The following SNTG2 variants were observed in gnomAD, a reference collection of about 807,000 sequenced individuals.
SNTG2 encodes the protein syntrophin gamma 2.
Under a neutral mutation model 70.9 loss-of-function variants are expected in SNTG2, and 74 were observed. The ratio of observed to expected loss-of-function variants is 1.04; its 90% CI spans 0.86 to 1.27. The LOEUF is 1.27. Ranked by LOEUF, SNTG2 falls within the 50% of genes most tolerant of loss-of-function variation. The pLI is 0.00. For synonymous variants in SNTG2, 278 were observed against 273.8 expected, an observed-to-expected ratio of 1.02 and a Z score of -0.15; for missense variants, 717 against 690.7, an observed-to-expected ratio of 1.04 and a Z score of -0.43.
At chr2:1,041,961 A>C (rs528201678) in intron 1 of SNTG2, among the ~76,000 whole-genome samples, 1 of 152,262 alleles carries the variant, frequency 6.6e-6, no homozygotes, top group African/African-American at 2.4e-5. Flanking sequence ...CCAGAGTTCC[A>C]ATTATTATGA....
rs1055740171 is a variant in SNTG2, at chr2:1,267,581, C to A, written c.1284+10C>A. 1.2e-6 allele frequency: 2 copies of A among 1,611,290 alleles called. No individual in the cohort carries two copies. Among genetic ancestry groups the A allele is most frequent in the African/African-American group, 1.3e-5 (1 of 74,844 alleles). The stretch of plus-strand genomic sequence containing the variant: ...AGTTCAGAGAACCGGGGTAAGTGAA[C>A]AACTCACACTCTTCTCACCTACACC... On this transcript the variant is annotated intron_variant, in intron 14 of 16. Coordinates refer to ENST00000308624, the MANE Select transcript of SNTG2 (RefSeq NM_018968.4).
chr2:993,350 G>A (rs937072807), intron 1 of SNTG2, among the ~76,000 whole-genome samples: 10 of 151,156 alleles, frequency 6.6e-5, no homozygotes, highest in Non-Finnish European at 1.3e-4. Flanking sequence ...GTATTAGACC[G>A]TTTTCTTGTT....
intron 10 of SNTG2, 50 bp from the exon 11 acceptor site, chr2:1,239,688 A>T: frequency 1.9e-6 from 3 of 1,604,684 alleles, no homozygotes; most frequent in Non-Finnish European, 2.6e-6. Flanking sequence ...CAGGTGAGCC[A>T]TCCTGGTGTT....
rs921055726 is a variant in SNTG2 at position 976,029 on chromosome 2, T to C, written c.72+24961T>C. 3.3e-4 allele frequency among the ~76,000 whole-genome samples: 50 copies of C among 152,182 alleles called. 1 individual carries two copies. The highest frequency in any genetic ancestry group is 2.9e-3 in the Admixed American group (45 of 15,284). On this transcript the variant is annotated intron_variant, in intron 1 of 16. Coordinates refer to ENST00000308624, the MANE Select transcript of SNTG2 (RefSeq NM_018968.4). ...AATTATGGCGCATAGTGCCTGCCAG[T>C]GATAGGAACAGGGTCTCCCACAACT...
chr2:1,074,428 T>G (rs766565492), intron 1 of SNTG2, among the ~76,000 whole-genome samples: 16 of 152,166 alleles, frequency 1.1e-4, no homozygotes, highest in Non-Finnish European at 2.4e-4. Flanking sequence ...AGTGTGCAGT[T>G]TTCAGGAATA....
chr2:1,287,449 C>T (rs955895727), intron 14 of SNTG2, among the ~76,000 whole-genome samples: 1 of 152,168 alleles, frequency 6.6e-6, no homozygotes, highest in African/African-American at 2.4e-5. Flanking sequence ...AACGTGTTCA[C>T]CACGTGTCTT....
At chr2:1,149,419 G>A (rs1332312274) in intron 6 of SNTG2, among the ~76,000 whole-genome samples, 5 of 152,306 alleles carry the variant, frequency 3.3e-5, no homozygotes, top group Admixed American at 2.0e-4. Flanking sequence ...ATACACACAG[G>A]AGAAAGGAAG....
chr2:1,047,038 T>C (rs1258332816), intron 1 of SNTG2, among the ~76,000 whole-genome samples: 1 of 152,192 alleles, frequency 6.6e-6, no homozygotes, highest in African/African-American at 2.4e-5. Flanking sequence ...TCATATTCCT[T>C]GGAGATGTTC....
intron 12 of SNTG2, among the ~76,000 whole-genome samples, chr2:1,247,700 A>T (rs886067777): frequency 6.6e-6 from 1 of 152,282 alleles, no homozygotes; most frequent in Admixed American, 6.5e-5. Flanking sequence ...CTCAAATTCC[A>T]GCTGGTTTGG....
intron 8 of SNTG2, among the ~76,000 whole-genome samples, chr2:1,200,129 T>C (rs994332685): frequency 4.6e-5 from 7 of 151,852 alleles, no homozygotes; most frequent in African/African-American, 1.7e-4. Flanking sequence ...ACTACAGAGC[T>C]ATAGTAATGA....
chr2:1,053,040 A>G (rs1662164905), intron 1 of SNTG2, among the ~76,000 whole-genome samples: 1 of 152,160 alleles, frequency 6.6e-6, no homozygotes, highest in African/African-American at 2.4e-5. Flanking sequence ...TTCCATTGCC[A>G]CATATGTGAA....
chr2:1,056,904 G>A (rs537448527), intron 1 of SNTG2, among the ~76,000 whole-genome samples: 25 of 109,210 alleles, frequency 2.3e-4, no homozygotes, highest in African/African-American at 8.8e-4. Context: ...GAGGGAGAGC[G>A]TCGCGCTGTG....
chr2:1,193,012 T>G (rs1672694500), intron 8 of SNTG2, among the ~76,000 whole-genome samples: 1 of 152,208 alleles, frequency 6.6e-6, no homozygotes, highest in Non-Finnish European at 1.5e-5. Context: ...ACAGAGGCCA[T>G]GCTGGAGACC....
At chr2:1,276,292 AACGTCATTGCCTG>A (rs375609893) in intron 14 of SNTG2, among the ~76,000 whole-genome samples, 63 of 152,362 alleles carry the variant, frequency 4.1e-4, no homozygotes, top group African/African-American at 1.5e-3. Flanking sequence ...GAGCTGGACA[AACGTCATTGCCTG>A]ACTTCAAAGC....
At chr2:1,271,401 A>G (rs1168407594) in intron 14 of SNTG2, among the ~76,000 whole-genome samples, 1 of 152,046 alleles carries the variant, frequency 6.6e-6, no homozygotes, top group Non-Finnish European at 1.5e-5. Flanking sequence ...TTGTATGTCA[A>G]TTTATTTAAA....
chr2:1,149,217 G>GAGACAC (rs1553339083), intron 6 of SNTG2, among the ~76,000 whole-genome samples: 15 of 148,862 alleles, frequency 1.0e-4, no homozygotes, highest in Admixed American at 2.0e-4. Context: ...GTGAGAGAGA[G>GAGACAC]ACACACACAC....
chr2:1,137,501 T>TAC, intron 4 of SNTG2, 121 bp from the exon 5 acceptor site: 2 of 681,758 alleles, frequency 2.9e-6, no homozygotes, highest in Non-Finnish European at 2.4e-6. Flanking sequence ...CGTGGACACA[T>TAC]GCACACACAC....
At chr2:1,148,867 GCA>G (rs1669275250) in intron 6 of SNTG2, among the ~76,000 whole-genome samples, 1 of 152,104 alleles carries the variant, frequency 6.6e-6, no homozygotes, top group African/African-American at 2.4e-5. Flanking sequence ...CCCACCCTCT[GCA>G]GGTGCCTCCT....
At chr2:995,835 A>G (rs1406768688) in intron 1 of SNTG2, among the ~76,000 whole-genome samples, 2 of 152,130 alleles carry the variant, frequency 1.3e-5, no homozygotes, top group African/African-American at 4.8e-5. Flanking sequence ...CCTCTCTACA[A>G]AGAGCAGCAC....
Sources: gnomAD v4.1 joint callset for allele counts (sites outside exome capture counted in the v4.1 genomes callset) on GRCh38, gnomAD v4.1.1 for gene constraint, MANE v1.5 for transcripts, NCBI Gene and HGNC (gene_info 2026-07-23, HGNC 2026-07-21) for gene names.